The following IFT43 variants were observed in gnomAD, a reference collection of about 807,000 sequenced individuals.
IFT43 encodes the protein intraflagellar transport 43.
IFT43 carries 33 observed loss-of-function variants against 32.3 expected under a neutral mutation model. That is an observed-to-expected ratio of 1.02 (90% CI 0.77 to 1.37). The LOEUF is 1.37. Ranked by LOEUF, IFT43 falls within the 40% of genes most tolerant of loss-of-function variation. The pLI, the probability that IFT43 is intolerant of heterozygous loss-of-function variation, is 0.00. For synonymous variants in IFT43, 93 were observed against 98.2 expected, an observed-to-expected ratio of 0.95 and a Z score of 0.31; for missense variants, 274 against 265.9, an observed-to-expected ratio of 1.03 and a Z score of -0.21.
intron 2 of IFT43, among the ~76,000 whole-genome samples, chr14:76,001,299 A>T (rs1250772002): frequency 6.6e-6 from 1 of 152,248 alleles, no homozygotes; most frequent in African/African-American, 2.4e-5. Flanking sequence ...TTGGAAAAAA[A>T]GTCATAGCTG....
intron 5 of IFT43, among the ~76,000 whole-genome samples, chr14:76,063,550 A>G (rs1163770463): frequency 1.3e-5 from 2 of 152,198 alleles, no homozygotes; most frequent in African/African-American, 4.8e-5. Flanking sequence ...CCCAGGGCTT[A>G]CTTTATCTGT....
chr14:76,035,593 G>A (rs1289164565), intron 3 of IFT43, among the ~76,000 whole-genome samples: 1 of 152,182 alleles, frequency 6.6e-6, no homozygotes, highest in Non-Finnish European at 1.5e-5. Context: ...AGGCTAAAAA[G>A]TGTGAAAAGC....
In IFT43 at chr14:75,985,805, T is replaced by C. The variant is rs1300978798; in HGVS notation, c.19T>C (p.Leu7=). The C allele has an allele frequency of 6.2e-7, 1 of 1,614,200 alleles. No homozygotes were observed. Among genetic ancestry groups the C allele is most frequent in the Admixed American group, 1.7e-5 (1 of 60,034 alleles). MEDLLD[L]DEELRYSLAT... is the part of the protein sequence containing the mutation. ...CGCGGAGATGGAGGATTTGCTCGAC[T>C]TGGACGAGGAGCTTCGCTACAGCTT... Residue 7 remains leucine, a synonymous_variant, in exon 1 of 9, where the codon TTG becomes CTG. Coordinates refer to ENST00000314067, the MANE Select transcript of IFT43 (RefSeq NM_001102564.3).
intron 5 of IFT43, among the ~76,000 whole-genome samples, chr14:76,067,170 G>A (rs2037238202): frequency 2.6e-5 from 4 of 152,086 alleles, no homozygotes; most frequent in Admixed American, 2.6e-4. Flanking sequence ...TCTTTCCTTG[G>A]GAAGATGCAT....
intron 3 of IFT43, among the ~76,000 whole-genome samples, chr14:76,025,923 C>T (rs1054168522): frequency 2.6e-5 from 4 of 152,016 alleles, no homozygotes; most frequent in South Asian, 2.1e-4. Context: ...CAAAAGCAAT[C>T]GTAACAAAAG....
chr14:76,027,040 A>G (rs901501832), intron 3 of IFT43, among the ~76,000 whole-genome samples: 1 of 152,192 alleles, frequency 6.6e-6, no homozygotes, highest in Non-Finnish European at 1.5e-5. Flanking sequence ...ATGAGAACCC[A>G]TGGACACATA....
At chr14:76,082,208 T>C (rs1594870935) in intron 5 of IFT43, 87 bp from the exon 6 acceptor site, 1 of 1,166,208 alleles carries the variant, frequency 8.6e-7, no homozygotes, top group East Asian at 2.3e-5. Flanking sequence ...ATGGCTGGTG[T>C]GTTGAAGGGG....
chr14:75,992,599 G>T (rs910917859), intron 2 of IFT43, among the ~76,000 whole-genome samples: 4 of 152,260 alleles, frequency 2.6e-5, no homozygotes, highest in South Asian at 4.1e-4. Flanking sequence ...AGGCTGGAAT[G>T]CAGTGGCATG....
At chr14:76,078,867 G>A (rs1374861014) in intron 5 of IFT43, among the ~76,000 whole-genome samples, 1 of 152,210 alleles carries the variant, frequency 6.6e-6, no homozygotes, top group African/African-American at 2.4e-5. Context: ...AGTTTAATAA[G>A]ATAGGGTTGG....
At chr14:76,083,879 A>G (rs1475937947), downstream of IFT43, 3 of 534,002 alleles carry the variant, frequency 5.6e-6, no homozygotes, top group Non-Finnish European at 7.1e-6. Context: ...TCAGGCGGAG[A>G]AGGAGTGGGC....
chr14:76,082,495 T>C, intron 6 of IFT43, 122 bp from the exon 7 acceptor site: 1 of 1,314,636 alleles, frequency 7.6e-7, no homozygotes, highest in Admixed American at 1.7e-5. Flanking sequence ...AGGGTTCCCA[T>C]TTTGTTATTC....
intron 3 of IFT43, among the ~76,000 whole-genome samples, chr14:76,043,110 A>G (rs2036737660): frequency 6.6e-6 from 1 of 152,216 alleles, no homozygotes; most frequent in African/African-American, 2.4e-5. Flanking sequence ...AGCCTTACAC[A>G]CAAGGGGTCT....
intron 1 of IFT43, chr14:75,986,129 C>A (rs927302719): frequency 4.3e-6 from 6 of 1,398,310 alleles, no homozygotes; most frequent in Non-Finnish European, 5.7e-6. Context: ...TTTCTAGAGC[C>A]CCGAGTGCGA....
At chr14:76,036,934 ACTC>A (rs1001334684) in intron 3 of IFT43, among the ~76,000 whole-genome samples, 5 of 147,528 alleles carry the variant, frequency 3.4e-5, no homozygotes, top group African/African-American at 1.3e-4. Context: ...CTCAAGTGAT[ACTC>A]CTGCCCCAGC....
At chr14:76,031,500 G>C (rs79376355) in intron 3 of IFT43, among the ~76,000 whole-genome samples, 1,987 of 152,264 alleles carry the variant, frequency 0.013, 43 homozygotes, top group African/African-American at 0.045. Flanking sequence ...AAAACAAGAA[G>C]GTGACGCAGA....
intron 3 of IFT43, among the ~76,000 whole-genome samples, chr14:76,051,048 G>C (rs2036904825): frequency 6.6e-6 from 1 of 151,774 alleles, no homozygotes; most frequent in South Asian, 2.1e-4. Context: ...GCAGTGTAAA[G>C]AGAGGACATG....
intron 2 of IFT43, among the ~76,000 whole-genome samples, chr14:75,994,411 T>G (rs1358572460): frequency 6.6e-6 from 1 of 152,206 alleles, no homozygotes; most frequent in Non-Finnish European, 1.5e-5. Context: ...ATCACTTAAC[T>G]GTCTAATTTT....
At chr14:76,058,582 T>C in intron 3 of IFT43, 60 bp from the exon 4 acceptor site, 1 of 1,604,214 alleles carries the variant, frequency 6.2e-7, no homozygotes, top group South Asian at 1.1e-5. Context: ...CTCAAGATAC[T>C]ACCTGGTGCA....
At chr14:76,067,055 T>C (rs1395244770) in intron 5 of IFT43, among the ~76,000 whole-genome samples, 1 of 152,228 alleles carries the variant, frequency 6.6e-6, no homozygotes, top group Non-Finnish European at 1.5e-5. Flanking sequence ...CTTCCTTCTC[T>C]TTCTTTCGGT....
Sources: allele counts gnomAD v4.1 joint callset (sites outside exome capture counted in the v4.1 genomes callset), GRCh38; gene constraint gnomAD v4.1.1; transcripts MANE v1.5; gene names NCBI Gene and HGNC (gene_info 2026-07-23, HGNC 2026-07-21).